The following EPHA8 variants were observed in gnomAD, a reference collection of about 807,000 sequenced individuals.
EPHA8 encodes the protein EPH receptor A8, also known as ephrin type-A receptor 8.
Under a neutral mutation model 103.6 loss-of-function variants are expected in EPHA8, and 58 were observed. The ratio of observed to expected loss-of-function variants is 0.56; its 90% CI spans 0.45 to 0.70. EPHA8 has a LOEUF of 0.70. Ranked by LOEUF, EPHA8 falls within the 30% of genes least tolerant of loss-of-function variation. The pLI, the probability that EPHA8 is intolerant of heterozygous loss-of-function variation, is 0.00. For missense variants in EPHA8, 1,304 were observed against 1,395.2 expected (o/e 0.93, Z 1.04); for synonymous variants, 559 against 572.5 (o/e 0.98, Z 0.34).
Position 22,589,356 on chromosome 1 carries a change from C to T in EPHA8, c.1315+150C>T, listed in dbSNP as rs1641314757. 6.4e-7 allele frequency: 1 copy of T among 1,573,698 alleles called. No individual in the cohort carries two copies. The highest frequency in any genetic ancestry group is 8.6e-7 in the Non-Finnish European group (1 of 1,162,296). ...CTGCGCTCCTCACCAGGACCCAGAG[C>T]TGGAGGCTCTTCATTGCCTTTAGAA... On this transcript the variant is annotated intron_variant, in intron 5 of 16. Coordinates refer to ENST00000166244, the MANE Select transcript of EPHA8 (RefSeq NM_020526.5). The surrounding 1 kb of genome is among the most constrained non-coding windows in gnomAD (Gnocchi z 4.3).
At chr1:22,586,759 G>T (rs1009659403) in intron 4 of EPHA8, 124 bp downstream of exon 4, 2 of 1,262,148 alleles carry the variant, frequency 1.6e-6, no homozygotes, top group East Asian at 2.5e-5. Flanking sequence ...TGGCTCTCTT[G>T]AGCCAGAGGC....
In EPHA8 at chr1:22,589,753, C is replaced by T; in HGVS notation, c.1315+547C>T. 1.1e-6 allele frequency: 1 copy of T among 908,438 alleles called. No individual in the cohort carries two copies. Among genetic ancestry groups the T allele is most frequent in the Non-Finnish European group, 1.3e-6 (1 of 756,050 alleles). The allele number at this position is 908,438 out of a possible 1,614,324, so 56.3% of individuals were successfully genotyped here. On this transcript the variant is annotated intron_variant, in intron 5 of 16. Transcript: ENST00000166244. This position sits in a 1 kb window ranked among gnomAD's most constrained non-coding sequence, Gnocchi z 4.3. ...TGGTGGGCTGAATTCACCCCCGGAA[C>T]CTCTTTCTTCCCAAACTCTGGAGGA...
chr1:22,583,963 C>G (rs1381458411), intron 3 of EPHA8, among the ~76,000 whole-genome samples: 2 of 152,224 alleles, frequency 1.3e-5, no homozygotes, highest in African/African-American at 2.4e-5. Flanking sequence ...GCAGGCCCAG[C>G]TCTTACTTCT....
At chr1:22,579,501 G>A (rs570167105) in intron 3 of EPHA8, among the ~76,000 whole-genome samples, 2 of 152,214 alleles carry the variant, frequency 1.3e-5, no homozygotes, top group Non-Finnish European at 2.9e-5. Flanking sequence ...TGCATGGTGT[G>A]CGCATGTGTG....
At chr1:22,565,952 C>T (rs1640347154) in intron 1 of EPHA8, among the ~76,000 whole-genome samples, 1 of 152,180 alleles carries the variant, frequency 6.6e-6, no homozygotes. Flanking sequence ...TCTGGGAGTC[C>T]TCCCCAGCAC....
chr1:22,599,401 TG>T (rs1371400083), intron 13 of EPHA8, among the ~76,000 whole-genome samples: 1 of 151,932 alleles, frequency 6.6e-6, no homozygotes, highest in African/African-American at 2.4e-5. Context: ...ACACATTCCA[TG>T]GGGATTTGGA....
chr1:22,566,454 C>T (rs770436545), intron 1 of EPHA8, among the ~76,000 whole-genome samples: 1 of 152,224 alleles, frequency 6.6e-6, no homozygotes, highest in African/African-American at 2.4e-5. Context: ...TAGGAGTTAT[C>T]TGTGCTTCCC....
At chr1:22,590,563 C>T (rs1011791195) in intron 5 of EPHA8, among the ~76,000 whole-genome samples, 2 of 152,130 alleles carry the variant, frequency 1.3e-5, no homozygotes, top group South Asian at 2.1e-4. Context: ...TTCTCTTGCT[C>T]GTGTGTCCCA....
intron 3 of EPHA8, among the ~76,000 whole-genome samples, chr1:22,577,923 ATG>A (rs1640772173): frequency 1.9e-4 from 3 of 15,560 alleles, no homozygotes; most frequent in South Asian, 2.7e-3. Flanking sequence ...GCGTGAGTGT[ATG>A]TGTGCGTGAG....
chr1:22,596,257 A>G, intron 9 of EPHA8, 84 bp downstream of exon 9: 1 of 1,367,250 alleles, frequency 7.3e-7, no homozygotes, highest in East Asian at 2.4e-5. Flanking sequence ...ACAGATGGGA[A>G]GGAGGAAGGT....
chr1:22,598,299 C>T lies in EPHA8; in HGVS notation c.2178+87C>T. On this transcript the variant is annotated intron_variant, in intron 12 of 16. Transcript: ENST00000166244. The surrounding 1 kb of genome is among the most constrained non-coding windows in gnomAD (Gnocchi z 5.1). ...GGAGATAGTGCAAAGCCCTCTAAGC[C>T]CCCTCCCTGGCTTGGACACCACAGG... 7.3e-7 allele frequency: 1 copy of T among 1,369,350 alleles called. No individual in the cohort carries two copies. Among genetic ancestry groups the T allele is most frequent in the Non-Finnish European group, 1.0e-6 (1 of 984,744 alleles). The allele number at this position is 1,369,350 out of a possible 1,614,324, so 84.8% of individuals were successfully genotyped here. A position where few individuals can be genotyped will look rare whatever the true frequency, so the allele number is the denominator to read the frequency against.
Position 22,563,506 on chromosome 1 carries a change from C to CGTGTGCGCCGGG in EPHA8, c.-120_-109dup, listed in dbSNP as rs1553142942. The CGTGTGCGCCGGG allele has an allele frequency of 6.9e-5, 10 of 145,752 alleles. No homozygotes were observed. The highest frequency in any genetic ancestry group is 1.4e-4 in the Non-Finnish European group (9 of 65,400). The allele number at this position is 145,752 out of a possible 1,614,324, so 9.0% of individuals were successfully genotyped here. On this transcript the variant is annotated 5_prime_UTR_variant, in exon 1 of 17. Coordinates refer to ENST00000166244, the MANE Select transcript of EPHA8 (RefSeq NM_020526.5). The surrounding 1 kb of genome is among the most constrained non-coding windows in gnomAD (Gnocchi z 4.4). ...GTGCCCGCGTGTGCGCTGGGAGCCGCGTGTGCGCCGGGGTGTGCGCCCGGC... is the reference window on the plus strand; with the variant it reads ...GTGCCCGCGTGTGCGCTGGGAGCCGCGTGTGCGCCGGGGTGTGCGCCGGGGTGTGCGCCCGGC...
intron 7 of EPHA8, among the ~76,000 whole-genome samples, chr1:22,594,165 C>T (rs1346118116): frequency 1.3e-5 from 2 of 152,074 alleles, no homozygotes; most frequent in African/African-American, 4.8e-5. Context: ...AATGGGGTTT[C>T]ACCATGTTGA....
chr1:22,567,337 C>T lies in EPHA8; in HGVS notation c.95-1952C>T, dbSNP rs531060723. Among the ~76,000 whole-genome samples, 5 of 152,304 alleles carry T rather than the reference C, an allele frequency of 3.3e-5. No homozygotes were observed. The East Asian group carries it at 9.7e-4, about 30-fold the overall frequency. ...CTGGGGGAAACTGCAGTGCGGCCCC[C>T]TCCCCCTCCCACCAGCCAGCAGGAG... On this transcript the variant is annotated intron_variant, in intron 1 of 16. Coordinates refer to ENST00000166244, the MANE Select transcript of EPHA8 (RefSeq NM_020526.5). This position sits in a 1 kb window ranked among gnomAD's most constrained non-coding sequence, Gnocchi z 4.2.
At position 22,569,716 on chromosome 1, in the gene EPHA8, C is replaced by T; in HGVS notation, c.159+363C>T. Among the ~76,000 whole-genome samples the T allele has an allele frequency of 6.6e-6, 1 of 152,106 alleles. No individual in the cohort carries two copies. Among genetic ancestry groups the T allele is most frequent in the East Asian group, 1.9e-4 (1 of 5,174 alleles). On this transcript the variant is annotated intron_variant, in intron 2 of 16. Transcript: ENST00000166244. The surrounding 1 kb of genome is among the most constrained non-coding windows in gnomAD (Gnocchi z 4.5). The stretch of plus-strand genomic sequence containing the variant: ...CTCCCTCCCAGCTGCCCTGGCCTCA[C>T]CAGTCCTCCGACCTCTGGAGTCTCT...
At chr1:22,586,445 T>C in intron 3 of EPHA8, 35 bp from the exon 4 acceptor site, 2 of 1,605,998 alleles carry the variant, frequency 1.2e-6, no homozygotes, top group Non-Finnish European at 1.7e-6. Flanking sequence ...AGGGTGGCCC[T>C]GCTGGCTCAT....
Position 22,603,376 on chromosome 1 carries a change from G to GC in EPHA8, c.*1635_*1636insC, listed in dbSNP as rs1298057886. The GC allele has an allele frequency of 6.6e-6, 1 of 152,356 alleles. No homozygotes were observed. The highest frequency in any genetic ancestry group is 1.5e-5 in the Non-Finnish European group (1 of 68,002). The allele number at this position is 152,356 out of a possible 1,614,324, so 9.4% of individuals were successfully genotyped here. Reference sequence around the variant, plus strand: ...ACATGGTCAGAACACGATCTGGGGGGGGGATCCTGTCTTCCTCCCCACCCC... The same window carrying GC: ...ACATGGTCAGAACACGATCTGGGGGGCGGGATCCTGTCTTCCTCCCCACCCC... On this transcript the variant is annotated 3_prime_UTR_variant, in exon 17 of 17. Coordinates refer to ENST00000166244, the MANE Select transcript of EPHA8 (RefSeq NM_020526.5).
chr1:22,595,394 C>T, intron 8 of EPHA8, 71 bp downstream of exon 8: 1 of 1,363,280 alleles, frequency 7.3e-7, no homozygotes, highest in African/African-American at 1.4e-5. Flanking sequence ...CCCCCAGCCC[C>T]ACCGAGCCGG....
chr1:22,579,680 C>T (rs891885501), intron 3 of EPHA8, among the ~76,000 whole-genome samples: 2 of 152,120 alleles, frequency 1.3e-5, no homozygotes, highest in Non-Finnish European at 2.9e-5. Context: ...CTCAGCCCCC[C>T]GGGCACAGTG....
Sources: allele counts gnomAD v4.1 joint callset (sites outside exome capture counted in the v4.1 genomes callset), GRCh38; gene constraint gnomAD v4.1.1; non-coding constraint Gnocchi (gnomAD v3.1); transcripts MANE v1.5; gene names NCBI Gene and HGNC (gene_info 2026-07-23, HGNC 2026-07-21).